The following SLC24A2 variants were observed in gnomAD, a reference collection of about 807,000 sequenced individuals.
The protein encoded by SLC24A2 is sodium/potassium/calcium exchanger 2.
A neutral mutation model predicts 62.0 loss-of-function variants in SLC24A2; 36 were observed. The observed-to-expected ratio is 0.58, with a 90% CI of 0.44 to 0.77. The LOEUF is 0.77. Ranked by LOEUF, SLC24A2 falls within the 30% of genes least tolerant of loss-of-function variation. The pLI is 0.00. For synonymous variants in SLC24A2, 358 were observed against 294.0 expected, an observed-to-expected ratio of 1.22 and a Z score of -2.23; for missense variants, 846 against 817.9, an observed-to-expected ratio of 1.03 and a Z score of -0.42.
At chr9:19,687,923 T>C (rs967107912) in intron 2 of SLC24A2, among the ~76,000 whole-genome samples, 4 of 152,222 alleles carry the variant, frequency 2.6e-5, no homozygotes, top group African/African-American at 4.8e-5. Flanking sequence ...AGTCATCCCT[T>C]TGCCCCATGT....
chr9:19,566,661 G>A lies in SLC24A2; in HGVS notation c.1347+6690C>T, dbSNP rs1015676108. Among the ~76,000 whole-genome samples, 47 of 152,054 alleles carry A rather than the reference G, an allele frequency of 3.1e-4. 1 individual carries two copies. The highest frequency in any genetic ancestry group is 7.5e-4 in the African/African-American group (31 of 41,498). ...CATGCTGCTATAAAGGCACATGCAC[G>A]TATGTTTATTGTGGCACTATTCACA... On this transcript the variant is annotated intron_variant, in intron 7 of 10. Coordinates refer to ENST00000341998, the MANE Select transcript of SLC24A2 (RefSeq NM_020344.4).
At chr9:20,161,826 A>G in the SLC24A2 span, among the ~76,000 whole-genome samples, 118 of 151,570 alleles carry the variant, frequency 7.8e-4, no homozygotes, top group African/African-American at 2.8e-3. Context: ...CTACATATAT[A>G]TCTTAGTTAA....
At chr9:19,914,694 T>C in the SLC24A2 span, among the ~76,000 whole-genome samples, 1 of 152,064 alleles carries the variant, frequency 6.6e-6, no homozygotes, top group Non-Finnish European at 1.5e-5. Context: ...CTTATGACCT[T>C]GCCTTGTTGT....
At chr9:19,990,996 G>A in the SLC24A2 span, among the ~76,000 whole-genome samples, 3 of 118,716 alleles carry the variant, frequency 2.5e-5, no homozygotes, top group Non-Finnish European at 3.6e-5. Flanking sequence ...TATTATATAT[G>A]TGTGTATACA....
the SLC24A2 span, among the ~76,000 whole-genome samples, chr9:20,068,225 G>A: frequency 7.2e-5 from 11 of 152,042 alleles, no homozygotes; most frequent in East Asian, 2.1e-3. Context: ...ACCACGCCTG[G>A]ATAATTTTCT....
intron 2 of SLC24A2, among the ~76,000 whole-genome samples, chr9:19,631,673 T>G (rs1738280306): frequency 6.6e-6 from 1 of 152,088 alleles, no homozygotes; most frequent in Non-Finnish European, 1.5e-5. Context: ...GGAAGGAGGA[T>G]TCTCAAACAT....
At chr9:19,895,756 C>G in the SLC24A2 span, 2 of 1,532,658 alleles carry the variant, frequency 1.3e-6, no homozygotes, top group Non-Finnish European at 1.8e-6. Context: ...CTGGGCGGCC[C>G]AGTCCCACCC....
At chr9:19,752,141 T>C (rs1399571274) in intron 2 of SLC24A2, among the ~76,000 whole-genome samples, 3 of 152,132 alleles carry the variant, frequency 2.0e-5, no homozygotes, top group Non-Finnish European at 2.9e-5. Context: ...CGCTAGATGC[T>C]TTCCAGGGAA....
intron 5 of SLC24A2, among the ~76,000 whole-genome samples, chr9:19,589,993 G>T (rs549576809): frequency 6.6e-6 from 1 of 152,146 alleles, no homozygotes; most frequent in East Asian, 1.9e-4. Flanking sequence ...TGTAGGAGAG[G>T]CCTTCCTATG....
At chr9:20,228,367 G>A in the SLC24A2 span, among the ~76,000 whole-genome samples, 35 of 151,964 alleles carry the variant, frequency 2.3e-4, no homozygotes, top group African/African-American at 8.2e-4. Flanking sequence ...TGAGTTGGGG[G>A]TCACAGACTG....
At chr9:19,658,706 A>G (rs1257448096) in intron 2 of SLC24A2, among the ~76,000 whole-genome samples, 1 of 152,144 alleles carries the variant, frequency 6.6e-6, no homozygotes, top group Non-Finnish European at 1.5e-5. Context: ...GGGGCTTCCT[A>G]TTGGACTCAA....
At chr9:19,875,663 G>A in the SLC24A2 span, among the ~76,000 whole-genome samples, 2 of 152,186 alleles carry the variant, frequency 1.3e-5, no homozygotes, top group African/African-American at 2.4e-5. Context: ...CTTTTATGAA[G>A]TACAGGCCTG....
the SLC24A2 span, among the ~76,000 whole-genome samples, chr9:19,888,307 A>G: frequency 6.6e-6 from 1 of 152,166 alleles, no homozygotes; most frequent in African/African-American, 2.4e-5. Context: ...CGATCTTCTC[A>G]TAACTTTCCT....
At chr9:19,966,152 A>G in the SLC24A2 span, among the ~76,000 whole-genome samples, 143 of 152,330 alleles carry the variant, frequency 9.4e-4, no homozygotes, top group African/African-American at 3.2e-3. Context: ...CTTAATAAAT[A>G]CTTAAGCGTC....
At chr9:20,221,429 G>GA in the SLC24A2 span, among the ~76,000 whole-genome samples, 2 of 151,856 alleles carry the variant, frequency 1.3e-5, no homozygotes, top group Non-Finnish European at 2.9e-5. Context: ...TAATTTAGGT[G>GA]AAAAAATAAA....
chr9:19,840,805 C>T, the SLC24A2 span, among the ~76,000 whole-genome samples: 2,455 of 152,210 alleles, frequency 0.016, 69 homozygotes, highest in African/African-American at 0.056. Flanking sequence ...ATCATCTTAA[C>T]GTTAGTTTTA....
intron 2 of SLC24A2, among the ~76,000 whole-genome samples, chr9:19,659,689 G>GACAT (rs1397940689): frequency 2.0e-5 from 3 of 152,258 alleles, no homozygotes; most frequent in East Asian, 3.9e-4. Context: ...TAACACTGAT[G>GACAT]ACATGCCTGA....
At chr9:19,740,604 A>G (rs1412842403) in intron 2 of SLC24A2, among the ~76,000 whole-genome samples, 1 of 152,152 alleles carries the variant, frequency 6.6e-6, no homozygotes, top group East Asian at 1.9e-4. Flanking sequence ...TGTAATTTCT[A>G]TTTCCCAATC....
the SLC24A2 span, among the ~76,000 whole-genome samples, chr9:20,131,963 G>GTTTTTTGTGCTACAT: frequency 6.6e-6 from 1 of 152,104 alleles, no homozygotes; most frequent in Admixed American, 6.6e-5. Flanking sequence ...ATGTAATTAA[G>GTTTTTTGTGCTACAT]TGTAATTGTT....
Sources: gnomAD v4.1 joint callset for allele counts (sites outside exome capture counted in the v4.1 genomes callset) on GRCh38, gnomAD v4.1.1 for gene constraint, MANE v1.5 for transcripts, NCBI Gene and HGNC (gene_info 2026-07-23, HGNC 2026-07-21) for gene names.